TMPRSS9: variants seen among roughly 807,000 people sequenced by gnomAD.
The protein encoded by TMPRSS9 is transmembrane serine protease 9, also known as transmembrane protease serine 9.
In TMPRSS9, 113 loss-of-function variants were observed where a neutral mutation model predicts 111.4. The observed-to-expected ratio is 1.01, with a 90% CI of 0.87 to 1.19. The LOEUF (loss-of-function observed/expected upper bound fraction) is 1.19. TMPRSS9 is among the 50% of genes most tolerant of loss of function. TMPRSS9 has a pLI of 0.00. For missense variants in TMPRSS9, 1,803 were observed against 1,513.1 expected (o/e 1.19, Z -3.18); for synonymous variants, 805 against 659.1 (o/e 1.22, Z -3.39).
At chr19:2,387,533 G>A (rs748723392), upstream of TMPRSS9, among the ~76,000 whole-genome samples, 2 of 133,074 alleles carry the variant, frequency 1.5e-5, no homozygotes, top group African/African-American at 7.9e-5. Context: ...AGGAAGGGAA[G>A]GGAAAGGAAG....
chr19:2,424,210 G>A (rs371998513), exon 15 of TMPRSS9: 18 of 1,443,722 alleles, frequency 1.2e-5, no homozygotes, highest in Non-Finnish European at 1.6e-5. Context: ...GCGGGGCCGT[G>A]CTGGTGGCAG....
At chr19:2,366,412 T>C (rs1970248024) in intron 1 of TMPRSS9, among the ~76,000 whole-genome samples, 1 of 152,132 alleles carries the variant, frequency 6.6e-6, no homozygotes, top group Non-Finnish European at 1.5e-5. Flanking sequence ...TCCTGTGTAT[T>C]AGTTTTTGGT....
At chr19:2,375,447 C>G (rs114791489) in intron 1 of TMPRSS9, among the ~76,000 whole-genome samples, 5 of 115,858 alleles carry the variant, frequency 4.3e-5, no homozygotes, top group Non-Finnish European at 6.5e-5. Context: ...CTGTGATTGC[C>G]AGGTCAGGGT....
chr19:2,414,392 A>G (rs148280453), intron 10 of TMPRSS9, among the ~76,000 whole-genome samples: 2,687 of 152,040 alleles, frequency 0.018, 87 homozygotes, highest in African/African-American at 0.062. Context: ...GGCACAGGCC[A>G]CCACACCCGG....
At chr19:2,364,393 A>G (rs867293327) in intron 1 of TMPRSS9, among the ~76,000 whole-genome samples, 3 of 152,090 alleles carry the variant, frequency 2.0e-5, no homozygotes, top group African/African-American at 7.2e-5. Flanking sequence ...TGATCCACTC[A>G]TAACTGCATA....
chr19:2,368,341 G>A (rs1970263065), intron 1 of TMPRSS9, among the ~76,000 whole-genome samples: 1 of 149,784 alleles, frequency 6.7e-6, no homozygotes. Context: ...AAAAAAAAAA[G>A]CAGAGAATGT....
intron 9 of TMPRSS9, among the ~76,000 whole-genome samples, chr19:2,412,722 C>G (rs1186836964): frequency 6.6e-6 from 1 of 152,134 alleles, no homozygotes; most frequent in Non-Finnish European, 1.5e-5. Flanking sequence ...TCTCTCCTGC[C>G]TAATTTTTTT....
chr19:2,375,225 A>G (rs956024252), intron 1 of TMPRSS9, among the ~76,000 whole-genome samples: 1 of 152,260 alleles, frequency 6.6e-6, no homozygotes, highest in African/African-American at 2.4e-5. Context: ...GAGTTGAACC[A>G]TAAGAAACTG....
chr19:2,421,948 A>C lies in TMPRSS9; in HGVS notation c.2249A>C (p.Lys750Thr), dbSNP rs200218981. The C allele has an allele frequency of 1.5e-4, 250 of 1,613,194 alleles. 3 individuals carry two copies. The Middle Eastern group carries it at 3.5e-3, about 22-fold the overall frequency. Residue 750 changes from lysine (K) to threonine (T), a missense_variant, in exon 14 of 18, where the codon AAG becomes ACG. Transcript: ENST00000648592. ...TGGGGTATTGGCTGCGCTCAGGTTA[A>C]GAAGCCGGGCGTGTACACGCGCATC...
At chr19:2,405,605 G>A (rs1970952229) in intron 7 of TMPRSS9, 60 bp downstream of exon 8, 6 of 1,430,444 alleles carry the variant, frequency 4.2e-6, no homozygotes, top group East Asian at 2.7e-5. Flanking sequence ...GCCTTCCCTC[G>A]TGCACTGGGG....
Position 2,367,434 on chromosome 19 carries a change from G to A in TMPRSS9, c.-26+7074G>A, listed in dbSNP as rs1359972516. 2.6e-5 allele frequency among the ~76,000 whole-genome samples: 4 copies of A among 151,802 alleles called. 1 individual carries two copies. The South Asian group carries it at 6.2e-4, about 24-fold the overall frequency. ...TTTCAAGATGGAGTCTTGCTCCATT[G>A]CCCAGGCTGGAGTGCAGTGGTGGAA... On this transcript the variant is annotated intron_variant, in intron 1 of 17. Coordinates refer to the TMPRSS9 transcript ENST00000649857.
At chr19:2,394,274 C>G (rs964383517) in intron 1 of TMPRSS9, among the ~76,000 whole-genome samples, 10 of 151,584 alleles carry the variant, frequency 6.6e-5, no homozygotes, top group Admixed American at 1.3e-4. Flanking sequence ...TGTGGTCTAG[C>G]TACTTGGGAG....
intron 1 of TMPRSS9, among the ~76,000 whole-genome samples, chr19:2,369,151 A>G (rs998925105): frequency 6.6e-6 from 1 of 151,866 alleles, no homozygotes; most frequent in Admixed American, 6.6e-5. Flanking sequence ...GGGTTTCACC[A>G]TGTTGGCCAT....
At chr19:2,419,854 T>C (rs1326788362) in intron 13 of TMPRSS9, among the ~76,000 whole-genome samples, 2 of 152,198 alleles carry the variant, frequency 1.3e-5, no homozygotes, top group Non-Finnish European at 2.9e-5. Context: ...GGCTCAACCG[T>C]GCACACACAG....
rs772394720 is a variant in TMPRSS9, at chr19:2,416,737, CT to C, written c.1946del (p.Leu649ArgfsTer13). The C allele has an allele frequency of 1.2e-6, 2 of 1,613,216 alleles. No homozygotes were observed. The highest frequency in any genetic ancestry group is 1.7e-6 in the Non-Finnish European group (2 of 1,180,002). ...ATACATCCAGCCTGTCTGCCTGCCC[CT>C]GGCCATCCAGAAGTTCCCTGTGGGC... On this transcript the variant is annotated frameshift_variant, in exon 12 of 18. Transcript: ENST00000648592. LOFTEE classifies it high-confidence loss of function.
At chr19:2,422,032 C>G (rs765302796) in exon 14 of TMPRSS9, 10 of 1,612,760 alleles carry the variant, frequency 6.2e-6, no homozygotes, top group African/African-American at 1.3e-5. Context: ...CCCATGTCTC[C>G]CCCCTCGACC....
chr19:2,364,090 G>T (rs1255076463), intron 1 of TMPRSS9, among the ~76,000 whole-genome samples: 1 of 152,118 alleles, frequency 6.6e-6, no homozygotes, highest in African/African-American at 2.4e-5. Context: ...GCTGAGATGG[G>T]AGGATCGCTT....
chr19:2,425,176 G>A (rs1007499921), exon 16 of TMPRSS9: 1 of 1,554,776 alleles, frequency 6.4e-7, no homozygotes, highest in Non-Finnish European at 8.6e-7. Context: ...GCAGCCGCCT[G>A]GTGCGTCCCA....
upstream of TMPRSS9, among the ~76,000 whole-genome samples, chr19:2,389,197 C>G (rs1970534874): frequency 6.6e-6 from 1 of 150,722 alleles, no homozygotes; most frequent in African/African-American, 2.4e-5. Flanking sequence ...CCTCAGCCTC[C>G]CGAGTAGCTG....
Sources: gnomAD v4.1 joint callset for allele counts (sites outside exome capture counted in the v4.1 genomes callset) on GRCh38, gnomAD v4.1.1 for gene constraint, MANE v1.5 for transcripts, NCBI Gene and HGNC (gene_info 2026-07-23, HGNC 2026-07-21) for gene names.